TMCC2: variants seen among roughly 807,000 people sequenced by gnomAD.
The protein encoded by TMCC2 is transmembrane and coiled-coil domain family 2.
TMCC2 carries 16 observed loss-of-function variants against 49.4 expected under a neutral mutation model. The observed-to-expected ratio is 0.32, with a 90% CI of 0.22 to 0.49. The LOEUF (loss-of-function observed/expected upper bound fraction) is 0.49. Among genes scored for constraint, TMCC2 ranks in the 20% least tolerant of loss-of-function variants. The probability of loss-of-function intolerance (pLI) is 0.99; values close to 1 mark genes in which losing one functional copy is unlikely to be tolerated. For synonymous variants in TMCC2, 397 were observed against 434.1 expected (o/e 0.91, Z 1.06); for missense variants, 762 against 989.8 (o/e 0.77, Z 3.09).
chr1:205,256,157 G>T, intron 2 of TMCC2: 1 of 1,374,632 alleles, frequency 7.3e-7, no homozygotes, highest in Non-Finnish European at 9.6e-7. Context: ...AACGTGACGC[G>T]TGTCGGCCAT....
chr1:205,229,724 T>G, intron 1 of TMCC2: 2 of 985,420 alleles, frequency 2.0e-6, no homozygotes, highest in Non-Finnish European at 2.4e-6. Flanking sequence ...CAGTTCAAGT[T>G]GCATACATGC....
intron 2 of TMCC2, 120 bp from the exon 3 acceptor site, chr1:205,268,830 G>C: frequency 1.1e-6 from 1 of 934,482 alleles, no homozygotes; most frequent in Non-Finnish European, 1.6e-6. Context: ...TGTGGTGGTT[G>C]TCTTCTTTTG....
intron 2 of TMCC2, chr1:205,257,406 G>A: frequency 8.1e-7 from 1 of 1,232,126 alleles, no homozygotes; most frequent in Non-Finnish European, 1.0e-6. Context: ...ATTTCACCGG[G>A]CGGGGTGGAG....
At chr1:205,229,548 G>C (rs984527668) in intron 1 of TMCC2, 15 of 380,018 alleles carry the variant, frequency 3.9e-5, no homozygotes, top group African/African-American at 5.8e-5. Flanking sequence ...GAAGGGGCGG[G>C]GGGGGGGGGG....
At chr1:205,265,808 C>T (rs144816404) in intron 2 of TMCC2, among the ~76,000 whole-genome samples, 3,110 of 151,512 alleles carry the variant, frequency 0.021, 93 homozygotes, top group African/African-American at 0.069. Context: ...ATCCACCCGC[C>T]TCAGCCTCCC....
chr1:205,266,821 T>C (rs1453625053), intron 2 of TMCC2, among the ~76,000 whole-genome samples: 1 of 152,226 alleles, frequency 6.6e-6, no homozygotes, highest in Admixed American at 6.5e-5. Flanking sequence ...CGTCATCTTG[T>C]ATAGCTCTCA....
chr1:205,239,294 G>A (rs1660177079), intron 1 of TMCC2, among the ~76,000 whole-genome samples: 1 of 152,234 alleles, frequency 6.6e-6, no homozygotes, highest in Non-Finnish European at 1.5e-5. Context: ...CTGGAGGGAG[G>A]TCTCACATCA....
intron 1 of TMCC2, among the ~76,000 whole-genome samples, chr1:205,230,967 C>T (rs1202621945): frequency 9.2e-6 from 1 of 108,930 alleles, no homozygotes; most frequent in Non-Finnish European, 2.0e-5. Flanking sequence ...CTTCCCCTTA[C>T]CCCGCGCCCC....
At chr1:205,246,354 T>C (rs1387834132) in intron 2 of TMCC2, 16 of 419,680 alleles carry the variant, frequency 3.8e-5, no homozygotes, top group Non-Finnish European at 5.3e-5. Context: ...GTACCTTCAG[T>C]TTGAAGTGGC....
At chr1:205,269,993 C>G (rs1768585) in intron 3 of TMCC2, 109 bp downstream of exon 3, 689,241 of 1,077,258 alleles carry the variant, frequency 0.64, 222,196 homozygotes, top group African/African-American at 0.77. Flanking sequence ...CATCCTCAGC[C>G]TCCTGGCTGC....
chr1:205,235,861 A>T (rs1325064974), intron 1 of TMCC2, among the ~76,000 whole-genome samples: 1 of 152,114 alleles, frequency 6.6e-6, no homozygotes, highest in Non-Finnish European at 1.5e-5. Context: ...CGAGGTCAGG[A>T]GTTCGAGACC....
Position 205,257,341 on chromosome 1 carries a change from G to A in TMCC2, c.748-11609G>A, listed in dbSNP as rs563059125. 4.7e-5 allele frequency: 58 copies of A among 1,232,258 alleles called. No individual in the cohort carries two copies. The East Asian group carries it at 7.6e-4, about 16-fold the overall frequency. The allele number at this position is 1,232,258 out of a possible 1,614,324, so 76.3% of individuals were successfully genotyped here. A position where few individuals can be genotyped will look rare whatever the true frequency, so the allele number is the denominator to read the frequency against. On this transcript the variant is annotated intron_variant, in intron 2 of 4. Transcript: ENST00000358024. ...GCCCCGGGTACCTCATCGCCGGCAC[G>A]GCTTCGGGAAACAGTGCCCACACAG...
At position 205,269,588 on chromosome 1, in the gene TMCC2, C is replaced by T. The variant is rs7538074; in HGVS notation, c.1386C>T (p.Ser462=). ...GPPEEAARAL[S]GSATLVSSPK... ...CTGAGGAGGCAGCCCGGGCACTGAG[C>T]GGCAGTGCCACACTCGTCTCCAGCC... The change falls in exon 3 of 5, where the codon AGC becomes AGT. Residue 462 remains serine (S), a synonymous_variant. Coordinates refer to ENST00000358024, the MANE Select transcript of TMCC2 (RefSeq NM_014858.4). 3.6e-3 allele frequency: 5,871 copies of T among 1,613,802 alleles called. 184 individuals are homozygous for T. In the African/African-American group the frequency reaches 0.068, roughly 19 times the overall value.
intron 1 of TMCC2, among the ~76,000 whole-genome samples, chr1:205,238,613 A>T (rs930911953): frequency 1.3e-5 from 2 of 152,166 alleles, no homozygotes; most frequent in Non-Finnish European, 2.9e-5. Context: ...GCAGGTCACA[A>T]CAGCAGTTCA....
rs2102621870 is a variant in TMCC2, at chr1:205,271,993, TTCA to T, written c.2003_2005del (p.Ile668del). ...GGTGTTCGTGTCCACCATCGCCAAC[TTCA>T]TCACGCCCCTCATGAAGACACGCCT... is the stretch of plus-strand genomic sequence containing the variant. On this transcript the variant is annotated inframe_deletion, in exon 5 of 5. Coordinates refer to ENST00000358024, the MANE Select transcript of TMCC2 (RefSeq NM_014858.4). 6.2e-7 allele frequency: 1 copy of T among 1,614,162 alleles called. No homozygotes were observed. The highest frequency in any genetic ancestry group is 8.5e-7 in the Non-Finnish European group (1 of 1,180,022).
At chr1:205,252,317 G>A (rs965727455) in intron 2 of TMCC2, among the ~76,000 whole-genome samples, 2 of 152,202 alleles carry the variant, frequency 1.3e-5, no homozygotes, top group Admixed American at 1.3e-4. Flanking sequence ...GTGTGCATGT[G>A]GGTGCTGCCC....
rs1768586 is a variant in TMCC2 at position 205,269,147 on chromosome 1, A to G, written c.945A>G (p.Ala315=). Residue 315 remains alanine, a synonymous_variant, in exon 3 of 5, where the codon GCA becomes GCG. Coordinates refer to ENST00000358024, the MANE Select transcript of TMCC2 (RefSeq NM_014858.4). ...IEQEARDDNV[A]EYLKLANNAD... is the part of the protein sequence containing the mutation. ...AGGAGGCTCGCGACGACAATGTGGCAGAGTATCTGAAACTGGCCAACAACG... is the reference window on the plus strand; with the variant it reads ...AGGAGGCTCGCGACGACAATGTGGCGGAGTATCTGAAACTGGCCAACAACG... 0.32 allele frequency: 524,270 copies of G among 1,613,950 alleles called. 92,978 individuals carry two copies. The highest frequency in any genetic ancestry group is 0.37 in the Non-Finnish European group (435,353 of 1,179,932).
chr1:205,270,032 A>G (rs1661518629), intron 3 of TMCC2, 148 bp downstream of exon 3: 2 of 736,498 alleles, frequency 2.7e-6, no homozygotes, highest in Non-Finnish European at 4.3e-6. Flanking sequence ...GGCCCTAAGG[A>G]GCCTTCTTTC....
intron 1 of TMCC2, chr1:205,229,540 AGGGGCGGG>A: frequency 1.9e-6 from 1 of 525,896 alleles, no homozygotes; most frequent in Non-Finnish European, 2.1e-6. Flanking sequence ...CGATCTGTGA[AGGGGCGGG>A]GGGGGGGGGG....
Sources: gnomAD v4.1 joint callset for allele counts (sites outside exome capture counted in the v4.1 genomes callset) on GRCh38, gnomAD v4.1.1 for gene constraint, MANE v1.5 for transcripts, NCBI Gene and HGNC (gene_info 2026-07-23, HGNC 2026-07-21) for gene names.